Variants in MYSM1 observed in about 807,000 individuals in gnomAD.
MYSM1 encodes the protein Myb like, SWIRM and MPN domains 1, also known as deubiquitinase MYSM1.
In MYSM1, 51 loss-of-function variants were observed where a neutral mutation model predicts 116.0. That is an observed-to-expected ratio of 0.44 (90% confidence interval 0.35 to 0.56). MYSM1 has a LOEUF of 0.56. Among genes scored for constraint, MYSM1 ranks in the 20% least tolerant of loss-of-function variants. The pLI is 0.00. For missense variants in MYSM1, 900 were observed against 974.9 expected, an observed-to-expected ratio of 0.92 and a Z score of 1.02; for synonymous variants, 313 against 315.2, an observed-to-expected ratio of 0.99 and a Z score of 0.07.
At chr1:58,677,462 T>A (rs1483059767) in intron 8 of MYSM1, among the ~76,000 whole-genome samples, 1 of 152,142 alleles carries the variant, frequency 6.6e-6, no homozygotes, top group Non-Finnish European at 1.5e-5. Context: ...CTACTCTTAT[T>A]TTGCTTAACA....
In MYSM1 at chr1:58,659,732, C is replaced by G; in HGVS notation, c.*265G>C. The G allele has an allele frequency of 4.1e-6, 1 of 245,068 alleles. No homozygotes were observed. The highest frequency in any genetic ancestry group is 7.9e-5 in the East Asian group (1 of 12,730). 15.2% of individuals were successfully genotyped at this position (245,068 alleles called of 1,614,324 possible). On this transcript the variant is annotated 3_prime_UTR_variant, in exon 20 of 20. Transcript: ENST00000472487. ...CACAACAGTAAAGCCGACCAGGTTG[C>G]TTAGTTTCACAGCCTACAGCATTGC...
chr1:58,662,874 A>G (rs1022275415), intron 17 of MYSM1, among the ~76,000 whole-genome samples: 2 of 152,122 alleles, frequency 1.3e-5, no homozygotes, highest in African/African-American at 4.8e-5. Context: ...ACGGGGTATT[A>G]AGCAAACTCC....
intron 13 of MYSM1, 100 bp from the exon 14 acceptor site, chr1:58,668,782 C>A (rs1644511344): frequency 1.7e-6 from 2 of 1,147,332 alleles, no homozygotes; most frequent in South Asian, 2.8e-5. Flanking sequence ...ATCCACCCCA[C>A]CAAGTTCTCA....
chr1:58,689,449 C>A, intron 5 of MYSM1: 1 of 185,338 alleles, frequency 5.4e-6, no homozygotes, highest in Non-Finnish European at 1.1e-5. Flanking sequence ...GGTGTTAATA[C>A]ATTCCCAAAT....
At chr1:58,669,658 C>G (rs1353033376) in intron 12 of MYSM1, among the ~76,000 whole-genome samples, 1 of 151,460 alleles carries the variant, frequency 6.6e-6, no homozygotes, top group African/African-American at 2.4e-5. Context: ...GAAACCCCAC[C>G]CCTACAAAAG....
Position 58,689,056 on chromosome 1 carries a change from C to G in MYSM1, c.381G>C (p.Glu127Asp). The G allele has an allele frequency of 6.2e-7, 1 of 1,611,356 alleles. No individual in the cohort carries two copies. Among genetic ancestry groups the G allele is most frequent in the South Asian group, 1.1e-5 (1 of 90,246 alleles). The change falls in exon 6 of 20, where the codon GAG becomes GAC. Residue 127 changes from glutamate (E) to aspartate (D), a missense_variant. By Grantham distance (45) the Glu-to-Asp change is conservative. Coordinates refer to ENST00000472487, the MANE Select transcript of MYSM1 (RefSeq NM_001085487.3). ...YSVKWTIEEK[E>D]LFEQGLAKFG... ...TATTTACCAGCCCTTGTTCAAACAG[C>G]TCTTTTTCTTCTATCGTCCACTTTA...
At chr1:58,670,763 T>G (rs1204491645) in intron 12 of MYSM1, among the ~76,000 whole-genome samples, 1 of 152,208 alleles carries the variant, frequency 6.6e-6, no homozygotes, top group Non-Finnish European at 1.5e-5. Flanking sequence ...ATTTATTCAA[T>G]TAAACATTGC....
chr1:58,684,908 T>G (rs1287622814), intron 7 of MYSM1, among the ~76,000 whole-genome samples: 3 of 152,180 alleles, frequency 2.0e-5, no homozygotes, highest in Non-Finnish European at 4.4e-5. Flanking sequence ...TATAGTATAT[T>G]TTTGAGCAAT....
rs1211530330 is a variant in MYSM1 at position 58,657,936 on chromosome 1, C to T, written c.*2061G>A. ...TCCATTACTTTCCATCACCCAAATT[C>T]ATCAGTATTATAGGGAAATGTCAAT... is the stretch of plus-strand genomic sequence containing the variant. On this transcript the variant is annotated 3_prime_UTR_variant, in exon 20 of 20. Transcript: ENST00000472487. 1.3e-5 allele frequency: 2 copies of T among 152,124 alleles called. No individual in the cohort carries two copies. The highest frequency in any genetic ancestry group is 2.9e-5 in the Non-Finnish European group (2 of 68,022). The allele number at this position is 152,124 out of a possible 1,614,324, so 9.4% of individuals were successfully genotyped here.
intron 11 of MYSM1, 88 bp from the exon 12 acceptor site, chr1:58,672,046 T>C: frequency 1.9e-6 from 2 of 1,036,176 alleles, no homozygotes; most frequent in South Asian, 2.8e-5. Context: ...TTGAAGGGCA[T>C]GTGAGGACAA....
Position 58,661,417 on chromosome 1 carries a change from C to A in MYSM1, c.2259G>T (p.Arg753Ser). The change falls in exon 18 of 20, where the codon AGG (arginine) becomes AGT (serine). Residue 753 changes from arginine (R) to serine (S), a missense_variant. Coordinates refer to ENST00000472487, the MANE Select transcript of MYSM1 (RefSeq NM_001085487.3). ...EKTRWIIEKYRLSHSSVPMDK... is the reference protein window; with the variant it reads ...EKTRWIIEKYSLSHSSVPMDK... The stretch of plus-strand genomic sequence containing the variant: ...ACCACAGTACATACCTATGGGAGAG[C>A]CTGTATTTTTCTATTATCCATCTTG... 6 of 1,569,640 alleles carry A rather than the reference C, an allele frequency of 3.8e-6. No individual in the cohort carries two copies. The highest frequency in any genetic ancestry group is 5.3e-6 in the Non-Finnish European group (6 of 1,140,250).
rs1644337540 is a variant in MYSM1 at position 58,657,724 on chromosome 1, A to G, written c.*2273T>C. 6.6e-6 allele frequency: 1 copy of G among 152,158 alleles called. No homozygotes were observed. Among genetic ancestry groups the G allele is most frequent in the South Asian group, 2.1e-4 (1 of 4,834 alleles). The allele number at this position is 152,158 out of a possible 1,614,324, so 9.4% of individuals were successfully genotyped here. On this transcript the variant is annotated 3_prime_UTR_variant, in exon 20 of 20. Coordinates refer to ENST00000472487, the MANE Select transcript of MYSM1 (RefSeq NM_001085487.3). Reference sequence around the variant, plus strand: ...CTCTGTATTTTAAAATATACTTTACAAGACAAATGTACTCTATAGTCAGAA... The same window carrying G: ...CTCTGTATTTTAAAATATACTTTACGAGACAAATGTACTCTATAGTCAGAA...
rs200580230 is a variant in MYSM1, at chr1:58,688,108, TA to T, written c.399+929del. Among the ~76,000 whole-genome samples, 94 of 147,806 alleles carry T rather than the reference TA, an allele frequency of 6.4e-4. No homozygotes were observed. The East Asian group carries it at 1.0e-2, about 16-fold the overall frequency. On this transcript the variant is annotated intron_variant, in intron 6 of 19. Coordinates refer to ENST00000472487, the MANE Select transcript of MYSM1 (RefSeq NM_001085487.3). ...CATACAACACACTGAAATATCAATA[TA>T]AAAAAAAAATCACCAGTATAGGAAC...
At chr1:58,695,812 C>G (rs928432407) in intron 1 of MYSM1, among the ~76,000 whole-genome samples, 1 of 152,148 alleles carries the variant, frequency 6.6e-6, no homozygotes, top group Admixed American at 6.6e-5. Context: ...CATGGGAGAT[C>G]AAACTTTTTA....
chr1:58,688,798 A>G (rs1016420227), intron 6 of MYSM1, among the ~76,000 whole-genome samples: 2 of 152,330 alleles, frequency 1.3e-5, no homozygotes, highest in African/African-American at 4.8e-5. Context: ...TAATACCACA[A>G]GAACGTGAAA....
rs764924608 is a variant in MYSM1 at position 58,676,975 on chromosome 1, T to C, written c.1341A>G (p.Gly447=). The stretch of plus-strand genomic sequence containing the variant: ...TCAATTCGAGGTATGTATGAATCCG[T>C]CCAATACAATTAACATCTCCACAGT... ...LKNCGDVNCI[G]RIHTYLELIG... The change falls in exon 9 of 20, where the codon GGA becomes GGG. Residue 447 remains glycine, a synonymous_variant. Coordinates refer to ENST00000472487, the MANE Select transcript of MYSM1 (RefSeq NM_001085487.3). 6.2e-7 allele frequency: 1 copy of C among 1,612,634 alleles called. No homozygotes were observed. Among genetic ancestry groups the C allele is most frequent in the East Asian group, 2.2e-5 (1 of 44,658 alleles).
chr1:58,660,904 G>A (rs1240265414), intron 19 of MYSM1, among the ~76,000 whole-genome samples: 2 of 151,976 alleles, frequency 1.3e-5, no homozygotes, highest in African/African-American at 4.8e-5. Context: ...TAAGAAAAAT[G>A]TTCTCCATTG....
chr1:58,685,922 G>A (rs890322661), intron 6 of MYSM1, among the ~76,000 whole-genome samples: 2 of 152,062 alleles, frequency 1.3e-5, no homozygotes, highest in African/African-American at 2.4e-5. Context: ...TGTTAATGTC[G>A]TTGTCAGTTT....
chr1:58,690,380 A>T lies in MYSM1; in HGVS notation c.256T>A (p.Trp86Arg). 1.9e-6 allele frequency: 3 copies of T among 1,603,630 alleles called. No homozygotes were observed. The East Asian group carries it at 6.7e-5, about 36-fold the overall frequency. Residue 86 changes from tryptophan to arginine, a missense_variant, in exon 4 of 20, where the codon TGG (tryptophan) becomes AGG (arginine). Physicochemically the swap from Trp to Arg is moderately radical, Grantham distance 101 (BLOSUM62 -3). This residue lies in a region of MYSM1 where 622 missense variants were observed against 623.7 expected (regional missense o/e 1.00). Coordinates refer to ENST00000472487, the MANE Select transcript of MYSM1 (RefSeq NM_001085487.3). ...TTATCATCTTCCTTTTGATCAAGCC[A>T]GACTTTTTCCGGTTGTGATTTTTTA... The part of the protein sequence containing the change: ...LSKKSQPEKV[W>R]LDQKEDDKKY...
Sources: gnomAD v4.1 joint callset for allele counts (sites outside exome capture counted in the v4.1 genomes callset) on GRCh38, gnomAD v4.1.1 for gene constraint, gnomAD v4.1.1 regional missense constraint, MANE v1.5 for transcripts, NCBI Gene and HGNC (gene_info 2026-07-23, HGNC 2026-07-21) for gene names.